The following DRC8 variants were observed in gnomAD, a reference collection of about 807,000 sequenced individuals.
DRC8 encodes dynein regulatory complex subunit 8.
At chr1:245,018,474 G>A in the DRC8 span, among the ~76,000 whole-genome samples, 1 of 152,198 alleles carries the variant, frequency 6.6e-6, no homozygotes, top group African/African-American at 2.4e-5. Context: ...GAATGACATT[G>A]TGGAACACCA....
At chr1:245,081,967 C>T in the DRC8 span, 59 of 784,470 alleles carry the variant, frequency 7.5e-5, no homozygotes, top group African/African-American at 6.6e-4. Flanking sequence ...GCAGGGGTCA[C>T]GCCCAAGTGT....
chr1:245,003,120 A>G, the DRC8 span, among the ~76,000 whole-genome samples: 1 of 152,164 alleles, frequency 6.6e-6, no homozygotes, highest in Non-Finnish European at 1.5e-5. Context: ...ATGTGTCAGA[A>G]TTTCCTTCCT....
the DRC8 span, among the ~76,000 whole-genome samples, chr1:244,982,796 A>G: frequency 6.6e-6 from 1 of 152,044 alleles, no homozygotes; most frequent in South Asian, 2.1e-4. Context: ...ATTTGAAAAA[A>G]TGGGCTGAGC....
chr1:245,081,919 A>C, the DRC8 span, among the ~76,000 whole-genome samples: 4 of 152,226 alleles, frequency 2.6e-5, no homozygotes, highest in Non-Finnish European at 4.4e-5. Context: ...TGATGAAGGT[A>C]AATCTTAAAA....
chr1:245,122,818 T>C, the DRC8 span: 1 of 152,218 alleles, frequency 6.6e-6, no homozygotes, highest in South Asian at 2.1e-4. Context: ...TTCACAGTGC[T>C]GTGCAACTAT....
chr1:244,982,563 C>T, the DRC8 span, among the ~76,000 whole-genome samples: 1 of 152,010 alleles, frequency 6.6e-6, no homozygotes, highest in Non-Finnish European at 1.5e-5. Flanking sequence ...ACTTGTGAGG[C>T]TGAGGCAGGA....
At chr1:245,050,812 T>C in the DRC8 span, among the ~76,000 whole-genome samples, 2 of 152,204 alleles carry the variant, frequency 1.3e-5, no homozygotes, top group African/African-American at 4.8e-5. Flanking sequence ...AGTGCTCTTA[T>C]TGAGGTCAGT....
At chr1:245,012,522 A>G in the DRC8 span, among the ~76,000 whole-genome samples, 1 of 151,790 alleles carries the variant, frequency 6.6e-6, no homozygotes, top group Middle Eastern at 3.4e-3. Flanking sequence ...CAGGAAATAT[A>G]TAATCAATAG....
At chr1:245,010,704 C>T in the DRC8 span, among the ~76,000 whole-genome samples, 7 of 122,858 alleles carry the variant, frequency 5.7e-5, no homozygotes, top group South Asian at 7.8e-4. Context: ...TTTTTTGAGA[C>T]GGAGTCTCAC....
At chr1:245,047,504 G>A in the DRC8 span, among the ~76,000 whole-genome samples, 6 of 151,900 alleles carry the variant, frequency 3.9e-5, no homozygotes, top group South Asian at 6.3e-4. Context: ...GCGTGGTGGC[G>A]GGCGCCTGTA....
the DRC8 span, among the ~76,000 whole-genome samples, chr1:245,115,299 C>T: frequency 6.6e-6 from 1 of 152,236 alleles, no homozygotes; most frequent in African/African-American, 2.4e-5. Context: ...CTGCCTGCCT[C>T]AGCCTCCCAA....
chr1:245,083,133 G>A, the DRC8 span, among the ~76,000 whole-genome samples: 1 of 152,178 alleles, frequency 6.6e-6, no homozygotes, highest in Non-Finnish European at 1.5e-5. Context: ...AAGAGAGTGA[G>A]CATTACTGCC....
the DRC8 span, among the ~76,000 whole-genome samples, chr1:245,102,762 G>A: frequency 4.6e-5 from 7 of 152,226 alleles, no homozygotes; most frequent in Non-Finnish European, 8.8e-5. Context: ...ACAGACTTTC[G>A]AAAAGTGATA....
the DRC8 span, among the ~76,000 whole-genome samples, chr1:244,978,361 C>T: frequency 2.0e-5 from 3 of 151,906 alleles, no homozygotes; most frequent in East Asian, 1.9e-4. Flanking sequence ...GGCATGGTGG[C>T]GCATGCCTGT....
the DRC8 span, among the ~76,000 whole-genome samples, chr1:245,003,437 G>A: frequency 2.0e-5 from 3 of 152,234 alleles, no homozygotes; most frequent in Admixed American, 2.0e-4. Context: ...GAGAGGTTAA[G>A]TAACTTGCCC....
At chr1:245,061,615 G>A in the DRC8 span, among the ~76,000 whole-genome samples, 6 of 151,868 alleles carry the variant, frequency 4.0e-5, no homozygotes, top group African/African-American at 7.3e-5. Context: ...CATAAAAAAA[G>A]CACAAATTTG....
At chr1:245,083,730 A>C in the DRC8 span, 2 of 1,570,764 alleles carry the variant, frequency 1.3e-6, no homozygotes, top group Non-Finnish European at 1.7e-6. Flanking sequence ...TTATGTGAGG[A>C]ATTAATAATT....
the DRC8 span, among the ~76,000 whole-genome samples, chr1:244,999,443 A>G: frequency 2.0e-5 from 3 of 152,040 alleles, no homozygotes; most frequent in East Asian, 1.9e-4. Flanking sequence ...TAATTTTTCC[A>G]TTTATATTCA....
chr1:245,068,546 G>A, the DRC8 span, among the ~76,000 whole-genome samples: 37 of 151,858 alleles, frequency 2.4e-4, no homozygotes, highest in African/African-American at 8.9e-4. Context: ...GACTAAAGTG[G>A]TCCTCTCATC....
Sources: gnomAD v4.1 joint callset for allele counts (sites outside exome capture counted in the v4.1 genomes callset) on GRCh38, gnomAD v4.1.1 for gene constraint, MANE v1.5 for transcripts, NCBI Gene and HGNC (gene_info 2026-07-23, HGNC 2026-07-21) for gene names.